KCNH8: variants seen among roughly 807,000 people sequenced by gnomAD.
KCNH8 encodes potassium voltage-gated channel subfamily H member 8.
In KCNH8, 70 loss-of-function variants were observed where a neutral mutation model predicts 103.6. The observed-to-expected ratio is 0.68, with a 90% CI of 0.56 to 0.82. The LOEUF is 0.82. Among genes scored for constraint, KCNH8 ranks in the 40% least tolerant of loss-of-function variants. The probability of loss-of-function intolerance (pLI) is 0.00; values close to 1 mark genes in which losing one functional copy is unlikely to be tolerated. For synonymous variants in KCNH8, 498 were observed against 489.4 expected (o/e 1.02, Z -0.23); for missense variants, 1,217 against 1,329.9 (o/e 0.92, Z 1.32).
chr3:19,360,488 C>T (rs989087182), intron 5 of KCNH8, among the ~76,000 whole-genome samples: 16 of 151,980 alleles, frequency 1.1e-4, no homozygotes, highest in South Asian at 4.1e-4. Flanking sequence ...GTTGCATTCC[C>T]ACTATATCAG....
chr3:19,148,640 C>G lies in KCNH8; in HGVS notation c.-80C>G, dbSNP rs989413628. On this transcript the variant is annotated 5_prime_UTR_variant, in exon 1 of 16. Transcript: ENST00000328405. ...CCTTCCCTGCCGTCATCAGGTTCCC[C>G]TTCTCCCTTCTTGGCACTTTCCTTT... 7.1e-7 allele frequency: 1 copy of G among 1,402,298 alleles called. No homozygotes were observed. The highest frequency in any genetic ancestry group is 1.4e-5 in the African/African-American group (1 of 71,166). 86.9% of individuals were successfully genotyped at this position (1,402,298 alleles called of 1,614,324 possible).
intron 1 of KCNH8, among the ~76,000 whole-genome samples, chr3:19,165,899 G>A (rs1483847043): frequency 1.3e-5 from 2 of 152,132 alleles, no homozygotes; most frequent in Non-Finnish European, 2.9e-5. Context: ...TCCTCCAGAT[G>A]TCTCTCCTGA....
At chr3:19,331,543 G>A (rs778708004) in intron 3 of KCNH8, among the ~76,000 whole-genome samples, 20 of 151,952 alleles carry the variant, frequency 1.3e-4, no homozygotes, top group Admixed American at 2.6e-4. Flanking sequence ...TGCCCGCCTC[G>A]GCCTCCCAAA....
At chr3:19,261,936 T>G (rs1471549644) in intron 2 of KCNH8, among the ~76,000 whole-genome samples, 1 of 151,958 alleles carries the variant, frequency 6.6e-6, no homozygotes, top group African/African-American at 2.4e-5. Flanking sequence ...TGGATTTATA[T>G]CTGGGCTCTC....
intron 8 of KCNH8, among the ~76,000 whole-genome samples, chr3:19,445,925 T>G (rs2067356208): frequency 6.6e-6 from 1 of 152,024 alleles, no homozygotes; most frequent in Non-Finnish European, 1.5e-5. Context: ...TAAGATATGA[T>G]ACTTTATTTC....
Position 19,241,429 on chromosome 3 carries a change from T to C in KCNH8, c.77-12225T>C, listed in dbSNP as rs1041161548. On this transcript the variant is annotated intron_variant, in intron 1 of 15. Transcript: ENST00000328405. The stretch of plus-strand genomic sequence containing the variant: ...TATTGATTGAATTGAAACCCAATTC[T>C]AAGATACCTCATGTGTAGACTAGTG... Among the ~76,000 whole-genome samples, 25 of 152,264 alleles carry C rather than the reference T, an allele frequency of 1.6e-4. No individual in the cohort carries two copies. In the East Asian group the frequency reaches 4.4e-3, roughly 27 times the overall value.
At chr3:19,321,096 G>T (rs972778534) in intron 3 of KCNH8, among the ~76,000 whole-genome samples, 1 of 151,774 alleles carries the variant, frequency 6.6e-6, no homozygotes, top group Non-Finnish European at 1.5e-5. Context: ...TAATCTTGCT[G>T]ATGGTCTATG....
chr3:19,510,812 ACT>A (rs2068770947), intron 12 of KCNH8, among the ~76,000 whole-genome samples: 2 of 152,162 alleles, frequency 1.3e-5, no homozygotes, highest in Non-Finnish European at 1.5e-5. Context: ...ACTTTTAAGA[ACT>A]CTCTAATTAA....
chr3:19,430,487 A>T (rs1304075114), intron 7 of KCNH8, among the ~76,000 whole-genome samples: 2 of 151,998 alleles, frequency 1.3e-5, no homozygotes, highest in East Asian at 3.9e-4. Flanking sequence ...GTTCCATATG[A>T]ATTTAAAAAT....
intron 5 of KCNH8, among the ~76,000 whole-genome samples, chr3:19,358,181 C>T (rs1003639608): frequency 2.0e-5 from 3 of 149,178 alleles, no homozygotes; most frequent in Non-Finnish European, 4.5e-5. Flanking sequence ...TTCTTCCTTC[C>T]TTCCTTCCTT....
intron 3 of KCNH8, among the ~76,000 whole-genome samples, chr3:19,294,511 G>T (rs1052044525): frequency 2.0e-5 from 3 of 152,128 alleles, no homozygotes; most frequent in African/African-American, 7.2e-5. Context: ...TTCTGCTTCA[G>T]GGACATCTAT....
intron 7 of KCNH8, among the ~76,000 whole-genome samples, chr3:19,415,636 TG>T (rs2066852724): frequency 6.6e-6 from 1 of 152,044 alleles, no homozygotes; most frequent in Non-Finnish European, 1.5e-5. Context: ...AGGTAAGATA[TG>T]TACAAGTGTA....
intron 1 of KCNH8, among the ~76,000 whole-genome samples, chr3:19,183,137 G>T (rs2063471904): frequency 6.6e-6 from 1 of 152,088 alleles, no homozygotes; most frequent in Non-Finnish European, 1.5e-5. Context: ...GTGAAGAATT[G>T]TGCTATTACC....
intron 11 of KCNH8, among the ~76,000 whole-genome samples, chr3:19,462,838 CCA>C (rs1164430638): frequency 6.6e-6 from 1 of 152,042 alleles, no homozygotes; most frequent in Non-Finnish European, 1.5e-5. Flanking sequence ...AGGAAGGGAT[CCA>C]GTTTCTCATA....
rs535674527 is a variant in KCNH8, at chr3:19,172,729, G to A, written c.76+23934G>A. Among the ~76,000 whole-genome samples the A allele has an allele frequency of 8.7e-4, 133 of 152,288 alleles. 1 individual carries two copies. The highest frequency in any genetic ancestry group is 3.0e-3 in the African/African-American group (126 of 41,564). On this transcript the variant is annotated intron_variant, in intron 1 of 15. Transcript: ENST00000328405. ...TGGACAATGCAAGCAATTTGTCACAGCTGAACAAGTAGCAGAGTCATGGTT... is the reference window on the plus strand; with the variant it reads ...TGGACAATGCAAGCAATTTGTCACAACTGAACAAGTAGCAGAGTCATGGTT...
chr3:19,356,995 A>G (rs2065889035), intron 5 of KCNH8, among the ~76,000 whole-genome samples: 1 of 151,876 alleles, frequency 6.6e-6, no homozygotes, highest in Admixed American at 6.6e-5. Flanking sequence ...CCATTTTCTT[A>G]CTGAAAAATT....
intron 15 of KCNH8, among the ~76,000 whole-genome samples, chr3:19,530,399 T>C (rs1462561118): frequency 6.6e-6 from 1 of 152,120 alleles, no homozygotes; most frequent in Non-Finnish European, 1.5e-5. Context: ...ATATAAAATA[T>C]CACATGCATC....
chr3:19,364,718 A>T (rs533048008), intron 5 of KCNH8, among the ~76,000 whole-genome samples: 3 of 152,174 alleles, frequency 2.0e-5, no homozygotes, highest in East Asian at 3.9e-4. Flanking sequence ...AAAGTAAGGT[A>T]CTGTTTTCAT....
chr3:19,306,502 A>G (rs1278975901), intron 3 of KCNH8, among the ~76,000 whole-genome samples: 2 of 152,264 alleles, frequency 1.3e-5, no homozygotes, highest in African/African-American at 4.8e-5. Context: ...ACTGCATGCC[A>G]GGCAATATGC....
Sources: gnomAD v4.1 joint callset for allele counts (sites outside exome capture counted in the v4.1 genomes callset) on GRCh38, gnomAD v4.1.1 for gene constraint, MANE v1.5 for transcripts, NCBI Gene and HGNC (gene_info 2026-07-23, HGNC 2026-07-21) for gene names.